Variants in PKD1 observed in about 807,000 individuals in gnomAD.
The protein encoded by PKD1 is polycystin 1, transient receptor potential channel interacting.
A neutral mutation model predicts 361.7 loss-of-function variants in PKD1; 81 were observed. The ratio of observed to expected loss-of-function variants is 0.22; its 90% CI spans 0.19 to 0.27. The LOEUF (loss-of-function observed/expected upper bound fraction) is 0.27, where lower values mean the gene tolerates loss of function less well. Ranked by LOEUF, PKD1 falls within the 10% of genes least tolerant of loss-of-function variation. The pLI is 1.00. For missense variants in PKD1, 6,399 were observed against 6,118.3 expected (o/e 1.05, Z -1.53); for synonymous variants, 3,615 against 2,818.3 (o/e 1.28, Z -8.95).
At position 2,119,248 on chromosome 16, in the gene PKD1, G is replaced by A. The variant is rs561005236; in HGVS notation, c.287+59C>T. 9.9e-5 allele frequency: 132 copies of A among 1,328,314 alleles called. 5 individuals are homozygous for A. The African/African-American group carries it at 1.1e-3, about 11-fold the overall frequency. The allele number at this position is 1,328,314 out of a possible 1,614,324, so 82.3% of individuals were successfully genotyped here. A position where few individuals can be genotyped will look rare whatever the true frequency, so the allele number is the denominator to read the frequency against. The stretch of plus-strand genomic sequence containing the variant: ...CCCCCACAGCTGAGCAGCAAGAGGC[G>A]GTGCCGCCAGCCCACCCGGAGTGAG... On this transcript the variant is annotated intron_variant, in intron 2 of 45. Coordinates refer to ENST00000262304, the MANE Select transcript of PKD1 (RefSeq NM_001009944.3).
rs759290448 is a variant in PKD1, at chr16:2,106,961, T to A, written c.7066-13A>T. 6.3e-7 allele frequency: 1 copy of A among 1,582,242 alleles called. No individual in the cohort carries two copies. The highest frequency in any genetic ancestry group is 1.7e-5 in the Admixed American group (1 of 59,908). Reference sequence around the variant, plus strand: ...TCCGGATCAGCACCTGGCGTGGGAGTGGGGTTACCTCCAACACAGGTCTAT... The same window carrying A: ...TCCGGATCAGCACCTGGCGTGGGAGAGGGGTTACCTCCAACACAGGTCTAT... On this transcript the variant is annotated splice_polypyrimidine_tract_variant and intron_variant, in intron 16 of 45. Coordinates refer to ENST00000262304, the MANE Select transcript of PKD1 (RefSeq NM_001009944.3). This position sits in a 1 kb window ranked among gnomAD's most constrained non-coding sequence, Gnocchi z 6.5.
In PKD1 at chr16:2,106,273, C is replaced by T. The variant is rs374801446; in HGVS notation, c.7521G>A (p.Pro2507=). 182 of 1,610,098 alleles carry T rather than the reference C, an allele frequency of 1.1e-4. No homozygotes were observed. Among genetic ancestry groups the T allele is most frequent in the Non-Finnish European group, 1.4e-4 (165 of 1,179,494 alleles). The change falls in exon 19 of 46, where the codon CCG becomes CCA. Residue 2507 remains proline, a synonymous_variant. Coordinates refer to ENST00000262304, the MANE Select transcript of PKD1 (RefSeq NM_001009944.3). The surrounding 1 kb of genome is among the most constrained non-coding windows in gnomAD (Gnocchi z 6.5). ...GWHDAEDAGA[P]LVYALLLRRC... is the part of the protein sequence containing the mutation. The stretch of plus-strand genomic sequence containing the variant: ...GCCGCAGCAGCAGGGCGTACACCAG[C>T]GGGGCGCCAGCATCCTCCGCGTCAT...
chr16:2,134,561 C>T (rs1258343694), intron 1 of PKD1, among the ~76,000 whole-genome samples: 3 of 150,902 alleles, frequency 2.0e-5, no homozygotes, highest in East Asian at 1.9e-4. Flanking sequence ...TTCAATCCAA[C>T]CCTGGGTCCT....
At chr16:2,114,115 C>A (rs2092587551) in intron 11 of PKD1, 55 bp downstream of exon 11, 4 of 1,496,458 alleles carry the variant, frequency 2.7e-6, no homozygotes, top group Non-Finnish European at 3.7e-6. Flanking sequence ...TGTGTGAGCA[C>A]CCTGTCTGCA....
At chr16:2,120,158 G>A in intron 1 of PKD1, 1 of 458,294 alleles carries the variant, frequency 2.2e-6, no homozygotes. Context: ...GCTACAGGGA[G>A]CTGAGATCGC....
At position 2,103,748 on chromosome 16, in the gene PKD1, T is replaced by C; in HGVS notation, c.8309A>G (p.Asn2770Ser). 5 of 1,609,820 alleles carry C rather than the reference T, an allele frequency of 3.1e-6. No individual in the cohort carries two copies. Among genetic ancestry groups the C allele is most frequent in the Non-Finnish European group, 4.2e-6 (5 of 1,179,586 alleles). The change falls in exon 23 of 46, where the codon AAC becomes AGC. Residue 2770 changes from asparagine to serine, a missense_variant. Physicochemically the swap from Asn to Ser is conservative, Grantham distance 46. Coordinates refer to ENST00000262304, the MANE Select transcript of PKD1 (RefSeq NM_001009944.3). ...MRILMRSRVL[N>S]EEPLTLAGEE... ...GCCCGCCAGCGTCAGGGGCTCCTCG[T>C]TGAGCACGCGGGAGCGCATGAGGAT...
chr16:2,091,099 C>T lies in PKD1; in HGVS notation c.11788G>A (p.Val3930Met), dbSNP rs1004647091. 3 of 1,495,308 alleles carry T rather than the reference C, an allele frequency of 2.0e-6. No individual in the cohort carries two copies. Among genetic ancestry groups the T allele is most frequent in the East Asian group, 2.7e-5 (1 of 36,784 alleles). 92.6% of individuals were successfully genotyped at this position (1,495,308 alleles called of 1,614,324 possible). Reference sequence around the variant, plus strand: ...CGCGCCCAGGCTCCGAGCCGCAGCACGCGCCAGCGCCCTTCCCTGTGCCAA... The same window carrying T: ...CGCGCCCAGGCTCCGAGCCGCAGCATGCGCCAGCGCCCTTCCCTGTGCCAA... ...RTWHREGRWRVLRLGAWARWL... is the reference protein window; with the variant it reads ...RTWHREGRWRMLRLGAWARWL... Residue 3930 changes from valine (V) to methionine (M), a missense_variant, in exon 43 of 46, where the codon GTG becomes ATG. Physicochemically the swap from Val to Met is conservative, Grantham distance 21. Coordinates refer to ENST00000262304, the MANE Select transcript of PKD1 (RefSeq NM_001009944.3).
At position 2,088,865 on chromosome 16, in the gene PKD1, TCGCGCGTG is replaced by T. The variant is rs1479765725; in HGVS notation, c.*854_*861del. ...AGGCTGCCTGGGCCATACAGCACAC[TCGCGCGTG>T]CGCGCGCGCACACACACACACACAC... On this transcript the variant is annotated 3_prime_UTR_variant, in exon 46 of 46. Transcript: ENST00000262304. The T allele has an allele frequency of 1.1e-5, 6 of 526,584 alleles. No homozygotes were observed. Among genetic ancestry groups the T allele is most frequent in the Admixed American group, 6.8e-5 (2 of 29,590 alleles). 32.6% of individuals were successfully genotyped at this position (526,584 alleles called of 1,614,324 possible). A position where few individuals can be genotyped will look rare whatever the true frequency, so the allele number is the denominator to read the frequency against.
intron 1 of PKD1, among the ~76,000 whole-genome samples, chr16:2,120,471 A>T (rs1001449235): frequency 2.6e-5 from 4 of 152,282 alleles, no homozygotes; most frequent in African/African-American, 7.2e-5. Context: ...ATGCCTGTAA[A>T]CCCAGTGCTT....
intron 1 of PKD1, among the ~76,000 whole-genome samples, chr16:2,130,218 C>T (rs987785938): frequency 1.3e-5 from 2 of 152,232 alleles, no homozygotes; most frequent in African/African-American, 4.8e-5. Context: ...CGGGTGAGGC[C>T]AGCTGGACAT....
Position 2,108,303 on chromosome 16 carries a change from G to C in PKD1, c.6864C>G (p.Asp2288Glu), listed in dbSNP as rs148205707. 1 of 1,602,074 alleles carries C rather than the reference G, an allele frequency of 6.2e-7. No homozygotes were observed. Among genetic ancestry groups the C allele is most frequent in the Non-Finnish European group, 8.5e-7 (1 of 1,173,212 alleles). ...GSESYDPNLE[D>E]GDQTPLSFHW... ...GGAAACTGAGCGGCGTCTGGTCGCCGTCCTCCAGGTTGGGGTCGTAGGACT... is the reference window on the plus strand; with the variant it reads ...GGAAACTGAGCGGCGTCTGGTCGCCCTCCTCCAGGTTGGGGTCGTAGGACT... Residue 2288 changes from aspartate to glutamate, a missense_variant, in exon 15 of 46, where the codon GAC becomes GAG. By Grantham distance (45) the Asp-to-Glu change is conservative. Coordinates refer to ENST00000262304, the MANE Select transcript of PKD1 (RefSeq NM_001009944.3).
intron 1 of PKD1, chr16:2,135,185 G>C (rs2092936069): frequency 1.0e-6 from 1 of 976,594 alleles, no homozygotes; most frequent in Admixed American, 6.1e-5. Context: ...TCTCCAATTA[G>C]CGACTGTTTG....
In PKD1 at chr16:2,100,521, C is replaced by T. The variant is rs762936616; in HGVS notation, c.9443G>A (p.Arg3148Gln). The change falls in exon 27 of 46, where the codon CGG becomes CAG. Residue 3148 changes from arginine (R) to glutamine (Q), a missense_variant. Physicochemically the swap from Arg to Gln is conservative, Grantham distance 43 (BLOSUM62 1). Coordinates refer to ENST00000262304, the MANE Select transcript of PKD1 (RefSeq NM_001009944.3). The surrounding 1 kb of genome is among the most constrained non-coding windows in gnomAD (Gnocchi z 4.4). ...GCCGTCCAGGTGCCGGTGGCCGCTC[C>T]GGCTGTCCACCCCATACAGCATGAT... ...VGIMLYGVDS[R>Q]SGHRHLDGDR... 27 of 1,610,326 alleles carry T rather than the reference C, an allele frequency of 1.7e-5. No homozygotes were observed. The highest frequency in any genetic ancestry group is 2.2e-4 in the Middle Eastern group (1 of 4,452).
chr16:2,131,747 C>G (rs567917230), intron 1 of PKD1: 1 of 151,628 alleles, frequency 6.6e-6, no homozygotes, highest in African/African-American at 2.4e-5. Flanking sequence ...CGCTTGAACC[C>G]GGGAGATGGA....
intron 1 of PKD1, among the ~76,000 whole-genome samples, chr16:2,122,299 TC>T (rs2092733807): frequency 6.6e-6 from 1 of 152,010 alleles, no homozygotes; most frequent in Non-Finnish European, 1.5e-5. Context: ...GCAGTTCCCT[TC>T]CCCCAGGGGC....
Position 2,090,484 on chromosome 16 carries a change from A to G in PKD1, c.12245T>C (p.Leu4082Pro). The G allele has an allele frequency of 6.2e-7, 1 of 1,612,048 alleles. No homozygotes were observed. The highest frequency in any genetic ancestry group is 8.5e-7 in the Non-Finnish European group (1 of 1,179,670). The change falls in exon 45 of 46, where the codon CTG (leucine) becomes CCG (proline). Residue 4082 changes from leucine to proline, a missense_variant. Physicochemically the swap from Leu to Pro is moderately conservative, Grantham distance 98. Transcript: ENST00000262304. ...STLCPAESWH[L>P]SPLLCVGLWA... Reference sequence around the variant, plus strand: ...GAGCCCCACACACAGCAGGGGTGACAGGTGCCAGGACTCGGCAGGACACAG... The same window carrying G: ...GAGCCCCACACACAGCAGGGGTGACGGGTGCCAGGACTCGGCAGGACACAG...
chr16:2,092,211 C>A (rs1239462090), intron 39 of PKD1, 23 bp from the exon 40 acceptor site: 1 of 1,569,352 alleles, frequency 6.4e-7, no homozygotes. Flanking sequence ...GAGCCCCAGG[C>A]CGGGGCCAGG....
Position 2,135,723 on chromosome 16 carries a change from C to A in PKD1, c.-34G>T. 1 of 955,294 alleles carries A rather than the reference C, an allele frequency of 1.0e-6. No individual in the cohort carries two copies. Among genetic ancestry groups the A allele is most frequent in the Non-Finnish European group, 1.2e-6 (1 of 805,474 alleles). The allele number at this position is 955,294 out of a possible 1,614,324, so 59.2% of individuals were successfully genotyped here. Reference sequence around the variant, plus strand: ...CAGCGCGCGCATGGCCCCGCCGTCCCCAGGCCCGCCCGCGCGCGGAGGCCG... The same window carrying A: ...CAGCGCGCGCATGGCCCCGCCGTCCACAGGCCCGCCCGCGCGCGGAGGCCG... On this transcript the variant is annotated 5_prime_UTR_variant, in exon 1 of 46. Coordinates refer to ENST00000262304, the MANE Select transcript of PKD1 (RefSeq NM_001009944.3).
rs575553075 is a variant in PKD1, at chr16:2,108,546, G to A, written c.6621C>T (p.Pro2207=). The A allele has an allele frequency of 2.7e-5, 44 of 1,605,248 alleles. No homozygotes were observed. The highest frequency in any genetic ancestry group is 6.7e-5 in the East Asian group (3 of 44,666). ...RPGRPARVAL[P]GVDVSRPRLV... Reference sequence around the variant, plus strand: ...GCCGAGGCCGGCTCACGTCCACGCCGGGCAGGGCCACACGCGCTGGGCGCC... The same window carrying A: ...GCCGAGGCCGGCTCACGTCCACGCCAGGCAGGGCCACACGCGCTGGGCGCC... Residue 2207 remains proline, a synonymous_variant, in exon 15 of 46, where the codon CCC becomes CCT. Coordinates refer to ENST00000262304, the MANE Select transcript of PKD1 (RefSeq NM_001009944.3).
Sources: gnomAD v4.1 joint callset for allele counts (sites outside exome capture counted in the v4.1 genomes callset) on GRCh38, gnomAD v4.1.1 for gene constraint, Gnocchi (gnomAD v3.1) non-coding constraint, MANE v1.5 for transcripts, NCBI Gene and HGNC (gene_info 2026-07-23, HGNC 2026-07-21) for gene names.